LAMA1: variants seen among roughly 807,000 people sequenced by gnomAD.
LAMA1 encodes the protein laminin subunit alpha 1, also known as laminin subunit alpha-1.
A neutral mutation model predicts 348.7 loss-of-function variants in LAMA1; 219 were observed. The ratio of observed to expected loss-of-function variants is 0.63; its 90% confidence interval spans 0.56 to 0.70. The LOEUF (loss-of-function observed/expected upper bound fraction) is 0.70. LAMA1 is among the 30% of genes least tolerant of loss of function. The probability of loss-of-function intolerance (pLI) is 0.00; values close to 1 mark genes in which losing one functional copy is unlikely to be tolerated. For synonymous variants in LAMA1, 1,487 were observed against 1,491.0 expected (o/e 1.00, Z 0.06); for missense variants, 3,744 against 3,888.0 (o/e 0.96, Z 0.99).
In LAMA1 at chr18:6,986,127, T is replaced by C. The variant is rs1013210557; in HGVS notation, c.5379+10A>G. ...TTCTAATTGAGAAGGAGAGAGCAAG[T>C]GAGACTCACACTGAATTCTCTCAGA... is the stretch of plus-strand genomic sequence containing the variant. On this transcript the variant is annotated intron_variant, in intron 37 of 62. Transcript: ENST00000389658. 3.7e-6 allele frequency: 6 copies of C among 1,613,768 alleles called. No homozygotes were observed. Among genetic ancestry groups the C allele is most frequent in the Admixed American group, 3.3e-5 (2 of 60,008 alleles).
chr18:7,003,602 C>T (rs1242784180), intron 29 of LAMA1, among the ~76,000 whole-genome samples: 1 of 152,120 alleles, frequency 6.6e-6, no homozygotes, highest in African/African-American at 2.4e-5. Context: ...GCAGTTCTTG[C>T]CATCTGATTC....
chr18:6,981,098 G>A (rs1353663600), intron 41 of LAMA1, among the ~76,000 whole-genome samples: 7 of 146,278 alleles, frequency 4.8e-5, no homozygotes, highest in South Asian at 2.1e-4. Flanking sequence ...GCGAGACTCC[G>A]TCTCAAAAAA....
chr18:6,992,196 T>C (rs1039157312), intron 36 of LAMA1, among the ~76,000 whole-genome samples: 20 of 152,210 alleles, frequency 1.3e-4, no homozygotes, highest in Non-Finnish European at 2.6e-4. Flanking sequence ...TTAGAGTTCA[T>C]GGTATGGGTG....
At chr18:6,946,338 A>G (rs899767113) in intron 61 of LAMA1, among the ~76,000 whole-genome samples, 2 of 152,094 alleles carry the variant, frequency 1.3e-5, no homozygotes, top group Non-Finnish European at 2.9e-5. Flanking sequence ...CAGCAAACAG[A>G]TTAGTGGTTG....
Position 7,023,294 on chromosome 18 carries a change from G to C in LAMA1, c.2571C>G (p.Pro857=), listed in dbSNP as rs1291566819. ...CTGAGTCACAGTGACCAGCCTCCGA[G>C]GGGTCCACGTTGCCGCTGCAGTCAC... ...VPCDCSGNVD[P]SEAGHCDSVT... Residue 857 remains proline, a synonymous_variant, in exon 19 of 63, where the codon CCC becomes CCG. Transcript: ENST00000389658. 3 of 1,614,046 alleles carry C rather than the reference G, an allele frequency of 1.9e-6. No homozygotes were observed. Among genetic ancestry groups the C allele is most frequent in the East Asian group, 2.2e-5 (1 of 44,876 alleles).
At chr18:6,975,164 C>A (rs2057676216) in intron 45 of LAMA1, 128 bp from the exon 46 acceptor site, 2 of 1,123,074 alleles carry the variant, frequency 1.8e-6, no homozygotes, top group Admixed American at 2.7e-5. Context: ...AAAAAGCAAA[C>A]CCCCCAAATC....
chr18:7,038,519 C>A, intron 11 of LAMA1: 1 of 450,958 alleles, frequency 2.2e-6, no homozygotes, highest in South Asian at 2.1e-5. Flanking sequence ...GGAGGGAGAG[C>A]CGACCTCCCC....
At chr18:7,078,911 G>C (rs955839830) in intron 3 of LAMA1, among the ~76,000 whole-genome samples, 1 of 151,996 alleles carries the variant, frequency 6.6e-6, no homozygotes, top group Non-Finnish European at 1.5e-5. Context: ...CGCTTGAACC[G>C]GGGAGGCGGA....
At chr18:7,103,335 G>A (rs565724364) in intron 1 of LAMA1, among the ~76,000 whole-genome samples, 36 of 152,062 alleles carry the variant, frequency 2.4e-4, no homozygotes, top group African/African-American at 8.0e-4. Context: ...AACCCAGGAG[G>A]CGGAGCTTGC....
intron 3 of LAMA1, among the ~76,000 whole-genome samples, chr18:7,070,697 A>G (rs2058142365): frequency 6.6e-6 from 1 of 152,168 alleles, no homozygotes; most frequent in African/African-American, 2.4e-5. Context: ...AAACCTACAC[A>G]TAAAATAAAG....
At chr18:7,058,366 T>C (rs1441261535) in intron 3 of LAMA1, among the ~76,000 whole-genome samples, 1 of 152,030 alleles carries the variant, frequency 6.6e-6, no homozygotes, top group African/African-American at 2.4e-5. Context: ...AAACTAGGGG[T>C]CCTGAGAGTG....
intron 1 of LAMA1, among the ~76,000 whole-genome samples, chr18:7,094,638 T>C (rs1198106071): frequency 6.6e-6 from 1 of 152,098 alleles, no homozygotes; most frequent in Non-Finnish European, 1.5e-5. Context: ...CTTTAGCAAC[T>C]ATTTTTAAAG....
At chr18:7,033,412 C>T (rs547731893) in intron 14 of LAMA1, among the ~76,000 whole-genome samples, 39 of 147,532 alleles carry the variant, frequency 2.6e-4, no homozygotes, top group African/African-American at 9.3e-4. Flanking sequence ...GCTGAGATCA[C>T]GCCACTGCAC....
At chr18:7,111,227 A>T (rs558599194) in intron 1 of LAMA1, among the ~76,000 whole-genome samples, 1 of 152,280 alleles carries the variant, frequency 6.6e-6, no homozygotes, top group African/African-American at 2.4e-5. Flanking sequence ...TAAAAAAAAA[A>T]TGTGCACGCA....
At chr18:6,994,338 G>C (rs1451412098) in intron 34 of LAMA1, among the ~76,000 whole-genome samples, 1 of 152,238 alleles carries the variant, frequency 6.6e-6, no homozygotes, top group African/African-American at 2.4e-5. Flanking sequence ...GTCCTCAGCT[G>C]TTATTTCTAC....
chr18:7,112,246 A>C (rs2143838235), intron 1 of LAMA1, among the ~76,000 whole-genome samples: 1 of 152,282 alleles, frequency 6.6e-6, no homozygotes, highest in East Asian at 1.9e-4. Context: ...ACAAGTTGCA[A>C]GGTGAAAAGT....
At position 7,074,967 on chromosome 18, in the gene LAMA1, C is replaced by CAAAAA. The variant is rs773818069; in HGVS notation, c.345+5003_345+5007dup. ...GATAACCAAACCTAATACATAGAGG[C>CAAAAA]AAAAAAAAAAAAAAAAAAAAAAAAA... On this transcript the variant is annotated intron_variant, in intron 3 of 62. Coordinates refer to ENST00000389658, the MANE Select transcript of LAMA1 (RefSeq NM_005559.4). Among the ~76,000 whole-genome samples, 2 of 52,258 alleles carry CAAAAA rather than the reference C, an allele frequency of 3.8e-5. 1 individual carries two copies. The highest frequency in any genetic ancestry group is 6.6e-5 in the Non-Finnish European group (2 of 30,298). 34.3% of individuals were successfully genotyped at this position (52,258 alleles called of 152,430 possible).
rs550363553 is a variant in LAMA1 at position 6,997,985 on chromosome 18, G to A, written c.4664-101C>T. The A allele has an allele frequency of 6.8e-5, 70 of 1,028,814 alleles. No homozygotes were observed. In the African/African-American group the frequency reaches 9.2e-4, roughly 14 times the overall value. The allele number at this position is 1,028,814 out of a possible 1,614,324, so 63.7% of individuals were successfully genotyped here. ...AAGTTGTTTTGTGAAAATGACACAT[G>A]CGGTCAGAGTACACTCCAAGACCCC... is the stretch of plus-strand genomic sequence containing the variant. On this transcript the variant is annotated intron_variant, in intron 32 of 62. Transcript: ENST00000389658.
At chr18:7,001,515 T>G (rs1006962927) in intron 30 of LAMA1, among the ~76,000 whole-genome samples, 2 of 152,176 alleles carry the variant, frequency 1.3e-5, no homozygotes, top group Non-Finnish European at 2.9e-5. Context: ...GTGTACATAG[T>G]GCCTCTCATT....
Sources: gnomAD v4.1 joint callset for allele counts (sites outside exome capture counted in the v4.1 genomes callset) on GRCh38, gnomAD v4.1.1 for gene constraint, MANE v1.5 for transcripts, NCBI Gene and HGNC (gene_info 2026-07-23, HGNC 2026-07-21) for gene names.